The following CAMK1D variants were observed in gnomAD, a reference collection of about 807,000 sequenced individuals.
The protein encoded by CAMK1D is calcium/calmodulin-dependent protein kinase type 1D.
Under a neutral mutation model 47.7 loss-of-function variants are expected in CAMK1D, and 9 were observed. The observed-to-expected ratio is 0.19, with a 90% confidence interval of 0.11 to 0.33. CAMK1D has a LOEUF of 0.33. Ranked by LOEUF, CAMK1D falls within the 10% of genes least tolerant of loss-of-function variation. The probability of loss-of-function intolerance (pLI) is 1.00; values close to 1 mark genes in which losing one functional copy is unlikely to be tolerated. For missense variants in CAMK1D, 291 were observed against 488.7 expected, an observed-to-expected ratio of 0.60 and a Z score of 3.81; for synonymous variants, 184 against 184.9, an observed-to-expected ratio of 0.99 and a Z score of 0.04.
chr10:12,415,319 G>A (rs572489201), intron 1 of CAMK1D, among the ~76,000 whole-genome samples: 6 of 151,572 alleles, frequency 4.0e-5, no homozygotes, highest in Admixed American at 2.6e-4. Context: ...ACAGAGTCTC[G>A]CCGTTGTTGC....
At chr10:12,514,574 C>A (rs947752354) in intron 1 of CAMK1D, among the ~76,000 whole-genome samples, 1 of 152,182 alleles carries the variant, frequency 6.6e-6, no homozygotes, top group African/African-American at 2.4e-5. Flanking sequence ...GTGGGGCAGG[C>A]AGGATTTCAG....
intron 1 of CAMK1D, among the ~76,000 whole-genome samples, chr10:12,371,171 C>G (rs918179225): frequency 6.6e-6 from 1 of 151,864 alleles, no homozygotes; most frequent in Non-Finnish European, 1.5e-5. Context: ...ATGCTCTAGG[C>G]CTTCTCATTC....
At position 12,701,336 on chromosome 10, in the gene CAMK1D, A is replaced by G. The variant is rs559327825; in HGVS notation, c.299+34526A>G. Among the ~76,000 whole-genome samples the G allele has an allele frequency of 4.0e-4, 61 of 152,346 alleles. 1 individual carries two copies. In the Middle Eastern group the frequency reaches 0.02, roughly 51 times the overall value. On this transcript the variant is annotated intron_variant, in intron 3 of 10. Coordinates refer to ENST00000619168, the MANE Select transcript of CAMK1D (RefSeq NM_153498.4). Reference sequence around the variant, plus strand: ...TTATAAACGGAAGTGATTTGCAAACAACCAACAAAAAGCACACCAAAATAA... The same window carrying G: ...TTATAAACGGAAGTGATTTGCAAACGACCAACAAAAAGCACACCAAAATAA...
At chr10:12,825,727 A>G (rs772447072) in intron 10 of CAMK1D, 37 bp downstream of exon 10, 19 of 1,613,414 alleles carry the variant, frequency 1.2e-5, no homozygotes, top group Non-Finnish European at 2.5e-6. Context: ...CTCAGCTGAC[A>G]CTGAAGACGA....
At chr10:12,467,266 C>T (rs1002346175) in intron 1 of CAMK1D, among the ~76,000 whole-genome samples, 20 of 141,464 alleles carry the variant, frequency 1.4e-4, no homozygotes, top group Non-Finnish European at 4.7e-5. Context: ...GATTGTCCTG[C>T]CTCAGCCCCC....
intron 2 of CAMK1D, among the ~76,000 whole-genome samples, chr10:12,612,976 A>T (rs764716348): frequency 1.4e-4 from 22 of 152,158 alleles, no homozygotes; most frequent in Non-Finnish European, 2.4e-4. Context: ...GAGTGTCCGC[A>T]TCTCTTTCTC....
chr10:12,352,469 T>A (rs1238604897), intron 1 of CAMK1D, among the ~76,000 whole-genome samples: 1 of 151,072 alleles, frequency 6.6e-6, no homozygotes, highest in African/African-American at 2.4e-5. Context: ...ATTAGCCGGG[T>A]GTGGTGGTGT....
intron 1 of CAMK1D, among the ~76,000 whole-genome samples, chr10:12,461,743 A>C (rs1263202114): frequency 6.6e-6 from 1 of 151,846 alleles, no homozygotes; most frequent in Non-Finnish European, 1.5e-5. Flanking sequence ...AAAGTAACCC[A>C]ACAGTGGTGG....
chr10:12,827,225 TTC>T (rs765867912), intron 10 of CAMK1D, among the ~76,000 whole-genome samples: 25 of 149,982 alleles, frequency 1.7e-4, no homozygotes, highest in Non-Finnish European at 3.7e-4. Flanking sequence ...CTTTCCTTCC[TTC>T]TTTCCTTCCC....
intron 1 of CAMK1D, among the ~76,000 whole-genome samples, chr10:12,493,307 T>C (rs1053935052): frequency 6.6e-6 from 1 of 152,058 alleles, no homozygotes; most frequent in Non-Finnish European, 1.5e-5. Context: ...CTCACAGGGC[T>C]CCTGGGGAGA....
At chr10:12,600,425 G>T (rs1387104146) in intron 2 of CAMK1D, among the ~76,000 whole-genome samples, 2 of 152,146 alleles carry the variant, frequency 1.3e-5, no homozygotes, top group East Asian at 1.9e-4. Flanking sequence ...ACCTACTCAC[G>T]CTTGGTTTGT....
chr10:12,718,822 C>T (rs1265223903), intron 3 of CAMK1D, among the ~76,000 whole-genome samples: 4 of 152,138 alleles, frequency 2.6e-5, no homozygotes, highest in African/African-American at 4.8e-5. Flanking sequence ...CCATTTTCTA[C>T]TGAGCACACC....
chr10:12,473,771 G>A (rs1833819174), intron 1 of CAMK1D, among the ~76,000 whole-genome samples: 1 of 152,240 alleles, frequency 6.6e-6, no homozygotes, highest in South Asian at 2.1e-4. Flanking sequence ...GCCATGGAGA[G>A]GTGTTAAGTA....
chr10:12,621,244 TTG>T (rs1838988482), intron 2 of CAMK1D, among the ~76,000 whole-genome samples: 1 of 150,716 alleles, frequency 6.6e-6, no homozygotes, highest in Non-Finnish European at 1.5e-5. Flanking sequence ...TTTTTCAGAG[TTG>T]TTTAGCTATA....
At chr10:12,363,616 C>CA (rs1349094438) in intron 1 of CAMK1D, among the ~76,000 whole-genome samples, 9 of 146,698 alleles carry the variant, frequency 6.1e-5, no homozygotes, top group African/African-American at 1.5e-4. Flanking sequence ...AGGATACTGA[C>CA]AAAAAAGGCT....
intron 1 of CAMK1D, among the ~76,000 whole-genome samples, chr10:12,450,876 T>A (rs564706878): frequency 7.8e-4 from 119 of 152,350 alleles, no homozygotes; most frequent in Non-Finnish European, 1.5e-3. Flanking sequence ...AACTCATGCT[T>A]TGACTGCCTG....
chr10:12,480,568 C>T (rs1359619226), intron 1 of CAMK1D, among the ~76,000 whole-genome samples: 3 of 152,234 alleles, frequency 2.0e-5, no homozygotes, highest in African/African-American at 7.2e-5. Context: ...GGTCTAACCA[C>T]TTGGGCTCAG....
intron 1 of CAMK1D, among the ~76,000 whole-genome samples, chr10:12,470,549 G>A (rs1300686859): frequency 2.7e-5 from 4 of 148,864 alleles, no homozygotes; most frequent in Non-Finnish European, 4.4e-5. Context: ...ATGGAGTCTC[G>A]CTCTGTCGCC....
intron 2 of CAMK1D, among the ~76,000 whole-genome samples, chr10:12,631,438 T>G (rs998193152): frequency 6.6e-6 from 1 of 152,212 alleles, no homozygotes; most frequent in African/African-American, 2.4e-5. Flanking sequence ...TCCCTTTCTT[T>G]CTTTGTTCTG....
Sources: gnomAD v4.1 joint callset for allele counts (sites outside exome capture counted in the v4.1 genomes callset) on GRCh38, gnomAD v4.1.1 for gene constraint, MANE v1.5 for transcripts, NCBI Gene and HGNC (gene_info 2026-07-23, HGNC 2026-07-21) for gene names.